The following VPS13B variants were observed in gnomAD, a reference collection of about 807,000 sequenced individuals.
The protein encoded by VPS13B is intermembrane lipid transfer protein VPS13B.
VPS13B carries 285 observed loss-of-function variants against 426.4 expected under a neutral mutation model. The observed-to-expected ratio is 0.67, with a 90% CI of 0.61 to 0.74. The LOEUF (loss-of-function observed/expected upper bound fraction) is 0.74. Among genes scored for constraint, VPS13B ranks in the 30% least tolerant of loss-of-function variants. The pLI, the probability that VPS13B is intolerant of heterozygous loss-of-function variation, is 0.00. For synonymous variants in VPS13B, 1,676 were observed against 1,676.4 expected (o/e 1.00, Z 0.01); for missense variants, 4,537 against 4,782.6 (o/e 0.95, Z 1.51).
intron 43 of VPS13B, among the ~76,000 whole-genome samples, chr8:99,795,105 G>C (rs1812739567): frequency 6.6e-6 from 1 of 152,060 alleles, no homozygotes; most frequent in African/African-American, 2.4e-5. Context: ...TTATCTGACG[G>C]TCCTTCCTTA....
At chr8:99,850,343 A>G (rs988319381) in intron 55 of VPS13B, among the ~76,000 whole-genome samples, 1 of 135,476 alleles carries the variant, frequency 7.4e-6, no homozygotes, top group African/African-American at 3.0e-5. Flanking sequence ...GTATGTACTT[A>G]TACATACATA....
chr8:99,478,104 A>C (rs1205654036), intron 24 of VPS13B, among the ~76,000 whole-genome samples: 1 of 151,842 alleles, frequency 6.6e-6, no homozygotes, highest in East Asian at 1.9e-4. Context: ...AAAAAGAAAA[A>C]AGAAGCCCAT....
chr8:99,816,769 C>T (rs1281704920), intron 44 of VPS13B, among the ~76,000 whole-genome samples: 1 of 152,042 alleles, frequency 6.6e-6, no homozygotes, highest in Non-Finnish European at 1.5e-5. Context: ...CATGCCACTA[C>T]ACTCCAGCCT....
rs34752686 is a variant in VPS13B, at chr8:99,474,183, A to ATTTTTTTTTTTTTTTTTTTTT, written c.3666+6569_3666+6570insTTTTTTTTTTTTTTTTTTTTT. On this transcript the variant is annotated intron_variant, in intron 24 of 61. Transcript: ENST00000357162. ...TCTTCAAACAATGGACTGTTATCCAATTTTTTTTTTTTTTTTTTTTGTGGA... is the reference window on the plus strand; with the variant it reads ...TCTTCAAACAATGGACTGTTATCCAATTTTTTTTTTTTTTTTTTTTTTTTTTTTTTTTTTTTTTTTTGTGGA... 7.8e-4 allele frequency among the ~76,000 whole-genome samples: 98 copies of ATTTTTTTTTTTTTTTTTTTTT among 124,946 alleles called. 1 individual carries two copies. Among genetic ancestry groups the ATTTTTTTTTTTTTTTTTTTTT allele is most frequent in the African/African-American group, 2.1e-3 (66 of 30,736 alleles). The allele number at this position is 124,946 out of a possible 152,430, so 82.0% of individuals were successfully genotyped here. A position where few individuals can be genotyped will look rare whatever the true frequency, so the allele number is the denominator to read the frequency against.
intron 4 of VPS13B, among the ~76,000 whole-genome samples, chr8:99,102,267 C>A (rs1846793588): frequency 6.6e-6 from 1 of 152,002 alleles, no homozygotes; most frequent in African/African-American, 2.4e-5. Flanking sequence ...TATACATTCT[C>A]CTTCCTTCCA....
In VPS13B at chr8:99,365,609, C is replaced by T. The variant is rs540671096; in HGVS notation, c.2825-18599C>T. 1.1e-4 allele frequency among the ~76,000 whole-genome samples: 17 copies of T among 150,722 alleles called. No homozygotes were observed. In the South Asian group the frequency reaches 2.1e-3, roughly 19 times the overall value. ...TCGGCTCACTGCAACCACTGCCTCC[C>T]GGGTTCAAGCGATTCTTCTCCCTCA... On this transcript the variant is annotated intron_variant, in intron 19 of 61. Transcript: ENST00000357162.
chr8:99,546,600 A>C (rs1325223027), intron 30 of VPS13B, among the ~76,000 whole-genome samples: 1 of 151,890 alleles, frequency 6.6e-6, no homozygotes, highest in Non-Finnish European at 1.5e-5. Flanking sequence ...TAATATTGAA[A>C]CCCCTTTGCA....
chr8:99,354,445 T>C (rs1812075170), intron 19 of VPS13B, among the ~76,000 whole-genome samples: 1 of 151,722 alleles, frequency 6.6e-6, no homozygotes, highest in Non-Finnish European at 1.5e-5. Context: ...GTCTTTAGTA[T>C]GTTCATGTGC....
At chr8:99,866,618 G>A (rs1411295665) in intron 58 of VPS13B, among the ~76,000 whole-genome samples, 2 of 152,238 alleles carry the variant, frequency 1.3e-5, no homozygotes, top group African/African-American at 4.8e-5. Flanking sequence ...AGAACAGAGG[G>A]GGCCTCACCT....
rs1182628111 is a variant in VPS13B at position 99,661,413 on chromosome 8, C to G, written c.5968C>G (p.Pro1990Ala). 4 of 1,613,548 alleles carry G rather than the reference C, an allele frequency of 2.5e-6. No individual in the cohort carries two copies. The highest frequency in any genetic ancestry group is 3.4e-6 in the Non-Finnish European group (4 of 1,179,826). ...DYCTVWLQTV[P>A]GEIDSKSGIP... ...TTGCACTGTTTGGCTACAGACAGTG[C>G]CTGGAGAAATAGACAGCAAAAGTGG... The change falls in exon 35 of 62, where the codon CCT (proline) becomes GCT (alanine). Residue 1990 changes from proline to alanine, a missense_variant. Pro to Ala is a conservative substitution (Grantham distance 27). Around this residue, in one of 2 missense-constraint regions of VPS13B, gnomAD observed 4,311 missense variants for 4,474.3 expected, o/e 0.96. Transcript: ENST00000357162.
chr8:99,666,678 T>C (rs1199659570), intron 35 of VPS13B, among the ~76,000 whole-genome samples: 3 of 152,212 alleles, frequency 2.0e-5, no homozygotes, highest in Non-Finnish European at 4.4e-5. Context: ...AAGAGCTATC[T>C]ATGATAAATC....
intron 17 of VPS13B, among the ~76,000 whole-genome samples, chr8:99,194,080 AT>A (rs1233857230): frequency 6.6e-6 from 1 of 152,194 alleles, no homozygotes; most frequent in Non-Finnish European, 1.5e-5. Context: ...TTCTACTTGT[AT>A]CATGTCAGTG....
intron 17 of VPS13B, among the ~76,000 whole-genome samples, chr8:99,208,238 G>A (rs1814845818): frequency 1.3e-5 from 2 of 151,960 alleles, no homozygotes; most frequent in Admixed American, 1.3e-4. Context: ...AAGCCATGAG[G>A]GATCCATCCT....
chr8:99,472,636 C>G (rs1306121683), intron 24 of VPS13B, among the ~76,000 whole-genome samples: 1 of 151,442 alleles, frequency 6.6e-6, no homozygotes, highest in East Asian at 1.9e-4. Context: ...AAGAAAAGAA[C>G]AAGAGAAACC....
intron 22 of VPS13B, among the ~76,000 whole-genome samples, chr8:99,440,543 CATA>C (rs959249116): frequency 2.6e-5 from 4 of 151,894 alleles, no homozygotes; most frequent in Admixed American, 6.6e-5. Flanking sequence ...ATAGATAAAA[CATA>C]ATAATTTTGA....
At chr8:99,519,565 T>A (rs1026969482) in intron 29 of VPS13B, among the ~76,000 whole-genome samples, 62 of 152,218 alleles carry the variant, frequency 4.1e-4, no homozygotes, top group African/African-American at 1.4e-3. Flanking sequence ...ATGTCCATCA[T>A]TGATAGACTG....
chr8:99,786,981 T>A (rs992832712), intron 43 of VPS13B, among the ~76,000 whole-genome samples: 4 of 152,174 alleles, frequency 2.6e-5, no homozygotes, highest in Admixed American at 6.6e-5. Context: ...GAGCTTGTCA[T>A]AGATGCACAA....
intron 16 of VPS13B, among the ~76,000 whole-genome samples, chr8:99,177,073 A>G (rs1812671926): frequency 6.6e-6 from 1 of 152,196 alleles, no homozygotes; most frequent in Admixed American, 6.5e-5. Flanking sequence ...TTCTGGAAAA[A>G]AATGCCACCA....
rs147921021 is a variant in VPS13B, at chr8:99,257,363, C to T, written c.2516-16835C>T. 3.2e-4 allele frequency among the ~76,000 whole-genome samples: 49 copies of T among 152,152 alleles called. No homozygotes were observed. In the East Asian group the frequency reaches 3.3e-3, roughly 10 times the overall value. ...GTAAAAAAATAGCTTGTTGGAGTCT[C>T]GATTTCATAGTTAGGTAATTAGCCT... On this transcript the variant is annotated intron_variant, in intron 17 of 61. Coordinates refer to ENST00000357162, the MANE Select transcript of VPS13B (RefSeq NM_152564.5).
Sources: gnomAD v4.1 joint callset for allele counts (sites outside exome capture counted in the v4.1 genomes callset) on GRCh38, gnomAD v4.1.1 for gene constraint, gnomAD v4.1.1 regional missense constraint, MANE v1.5 for transcripts, NCBI Gene and HGNC (gene_info 2026-07-23, HGNC 2026-07-21) for gene names.